Variants in ZNF407 observed in about 807,000 individuals in gnomAD.
ZNF407 encodes zinc finger protein 407.
In ZNF407, 17 loss-of-function variants were observed where a neutral mutation model predicts 131.2. The observed-to-expected ratio is 0.13, with a 90% CI of 0.09 to 0.19. The LOEUF (loss-of-function observed/expected upper bound fraction) is 0.19. Ranked by LOEUF, ZNF407 falls within the 10% of genes least tolerant of loss-of-function variation. ZNF407 has a pLI of 1.00. For missense variants in ZNF407, 2,681 were observed against 2,830.6 expected (o/e 0.95, Z 1.20); for synonymous variants, 1,156 against 1,062.0 (o/e 1.09, Z -1.72).
chr18:74,968,582 C>T (rs1386156599), intron 8 of ZNF407, among the ~76,000 whole-genome samples: 2 of 152,194 alleles, frequency 1.3e-5, no homozygotes, highest in Non-Finnish European at 2.9e-5. Flanking sequence ...TCACAGTTAA[C>T]GGTTCTTTTC....
intron 8 of ZNF407, among the ~76,000 whole-genome samples, chr18:74,943,020 A>G (rs1230834662): frequency 6.6e-6 from 1 of 151,680 alleles, no homozygotes; most frequent in African/African-American, 2.4e-5. Context: ...GGGTTCAAGC[A>G]TTCTCCTGCT....
At chr18:74,771,900 G>A (rs1339842487) in intron 3 of ZNF407, among the ~76,000 whole-genome samples, 2 of 151,942 alleles carry the variant, frequency 1.3e-5, no homozygotes, top group East Asian at 1.9e-4. Context: ...TACTAGATTT[G>A]TCATTCATTA....
intron 8 of ZNF407, among the ~76,000 whole-genome samples, chr18:75,014,142 CA>C (rs1973016186): frequency 6.6e-6 from 1 of 152,070 alleles, no homozygotes; most frequent in Admixed American, 6.6e-5. Context: ...TCAGTAGGTT[CA>C]CCCACTGTTT....
At chr18:74,689,989 A>G (rs1382006938) in intron 3 of ZNF407, among the ~76,000 whole-genome samples, 2 of 152,136 alleles carry the variant, frequency 1.3e-5, no homozygotes, top group Non-Finnish European at 2.9e-5. Context: ...GGAAACAGAC[A>G]CCAAAAGGAG....
At chr18:74,887,318 CAA>C (rs1013976465) in intron 6 of ZNF407, among the ~76,000 whole-genome samples, 28 of 152,094 alleles carry the variant, frequency 1.8e-4, no homozygotes, top group African/African-American at 6.7e-4. Context: ...AAACTGAGAA[CAA>C]AGAGTTATTC....
At chr18:74,967,234 C>A (rs1277305676) in intron 8 of ZNF407, among the ~76,000 whole-genome samples, 2 of 151,970 alleles carry the variant, frequency 1.3e-5, no homozygotes, top group Non-Finnish European at 2.9e-5. Flanking sequence ...GCGACAGAGA[C>A]CCTAACACGA....
intron 3 of ZNF407, among the ~76,000 whole-genome samples, chr18:74,747,328 A>G (rs886075403): frequency 5.3e-5 from 8 of 152,198 alleles, no homozygotes; most frequent in Admixed American, 4.6e-4. Context: ...CATGGTATTC[A>G]TAATGCGTAA....
At chr18:75,018,621 CTT>C (rs905424783) in intron 8 of ZNF407, among the ~76,000 whole-genome samples, 41 of 151,812 alleles carry the variant, frequency 2.7e-4, no homozygotes, top group African/African-American at 9.2e-4. Context: ...TTTAAGATAA[CTT>C]GGGTAGAAAT....
intron 1 of ZNF407, among the ~76,000 whole-genome samples, chr18:74,614,483 C>T (rs1983197078): frequency 6.6e-6 from 1 of 152,208 alleles, no homozygotes; most frequent in Admixed American, 6.5e-5. Flanking sequence ...CTTATCACTT[C>T]CCACACTCTC....
chr18:74,788,317 G>T (rs1398578672), intron 4 of ZNF407, among the ~76,000 whole-genome samples: 1 of 152,108 alleles, frequency 6.6e-6, no homozygotes, highest in Non-Finnish European at 1.5e-5. Flanking sequence ...TTAGCCATTT[G>T]GTTTTGGGGG....
At chr18:74,704,665 G>A (rs568529934) in intron 3 of ZNF407, among the ~76,000 whole-genome samples, 1 of 152,306 alleles carries the variant, frequency 6.6e-6, no homozygotes, top group African/African-American at 2.4e-5. Context: ...ATGACATCTT[G>A]ATGGGAAGCA....
chr18:74,963,139 C>G (rs544341619), intron 8 of ZNF407, among the ~76,000 whole-genome samples: 47 of 149,668 alleles, frequency 3.1e-4, no homozygotes, highest in Non-Finnish European at 3.1e-4. Flanking sequence ...TTTCCATTGA[C>G]TAACCTTCAT....
At chr18:74,619,841 T>G (rs1470657539) in intron 1 of ZNF407, among the ~76,000 whole-genome samples, 1 of 152,224 alleles carries the variant, frequency 6.6e-6, no homozygotes, top group Non-Finnish European at 1.5e-5. Flanking sequence ...TATAATGTCT[T>G]TAGTTGTACG....
chr18:74,862,527 TTTTTG>T (rs1241074393), intron 4 of ZNF407, among the ~76,000 whole-genome samples: 6 of 152,244 alleles, frequency 3.9e-5, no homozygotes, highest in African/African-American at 1.4e-4. Context: ...TGTAGCTATC[TTTTTG>T]TTTTGTTTGC....
At chr18:75,035,038 T>G (rs1454033363) in intron 8 of ZNF407, among the ~76,000 whole-genome samples, 1 of 152,242 alleles carries the variant, frequency 6.6e-6, no homozygotes, top group African/African-American at 2.4e-5. Context: ...GCTTTTCACT[T>G]GTAGCTGCTT....
intron 2 of ZNF407, among the ~76,000 whole-genome samples, chr18:74,640,435 T>G (rs925648355): frequency 3.3e-5 from 5 of 152,142 alleles, no homozygotes; most frequent in Admixed American, 2.0e-4. Context: ...GCATAAAAAT[T>G]TATCTACTGT....
intron 3 of ZNF407, among the ~76,000 whole-genome samples, chr18:74,757,753 CTTA>C (rs772250268): frequency 6.6e-6 from 1 of 152,166 alleles, no homozygotes; most frequent in Non-Finnish European, 1.5e-5. Flanking sequence ...GTCTCCAAAT[CTTA>C]TTGTTGAAAT....
intron 3 of ZNF407, among the ~76,000 whole-genome samples, chr18:74,649,286 A>G (rs1162851942): frequency 6.6e-6 from 1 of 152,214 alleles, no homozygotes; most frequent in African/African-American, 2.4e-5. Context: ...TCACCATTAC[A>G]TGTGTTAATG....
chr18:75,056,606 A>G (rs1290221601), intron 8 of ZNF407, among the ~76,000 whole-genome samples: 1 of 152,238 alleles, frequency 6.6e-6, no homozygotes, highest in Non-Finnish European at 1.5e-5. Context: ...TACCAGTGTT[A>G]ACATAGAAAG....
Sources: gnomAD v4.1 joint callset for allele counts (sites outside exome capture counted in the v4.1 genomes callset) on GRCh38, gnomAD v4.1.1 for gene constraint, MANE v1.5 for transcripts, NCBI Gene and HGNC (gene_info 2026-07-23, HGNC 2026-07-21) for gene names.